Variants in SECISBP2 observed in about 807,000 individuals in gnomAD.
SECISBP2 encodes selenocysteine insertion sequence-binding protein 2.
SECISBP2 carries 96 observed loss-of-function variants against 98.2 expected under a neutral mutation model. The ratio of observed to expected loss-of-function variants is 0.98; its 90% CI spans 0.83 to 1.16. SECISBP2 has a LOEUF of 1.16. Among genes scored for constraint, SECISBP2 ranks in the 50% most tolerant of loss-of-function variants. The probability of loss-of-function intolerance (pLI) is 0.00; values close to 1 mark genes in which losing one functional copy is unlikely to be tolerated. For synonymous variants in SECISBP2, 407 were observed against 370.2 expected (o/e 1.10, Z -1.14); for missense variants, 1,046 against 1,022.9 (o/e 1.02, Z -0.31).
At chr9:89,356,845 A>G (rs1245530762) in intron 14 of SECISBP2, 1 of 169,658 alleles carries the variant, frequency 5.9e-6, no homozygotes, top group Non-Finnish European at 1.3e-5. Flanking sequence ...ACACCCCCTC[A>G]TGTATTTCTC....
chr9:89,352,839 C>CTT (rs879335688), intron 14 of SECISBP2, among the ~76,000 whole-genome samples: 1 of 143,190 alleles, frequency 7.0e-6, no homozygotes, highest in African/African-American at 2.6e-5. Flanking sequence ...CTGAAGATTC[C>CTT]TTTTTTTTTT....
chr9:89,348,491 ACT>A (rs1830770499), intron 12 of SECISBP2, among the ~76,000 whole-genome samples: 1 of 152,280 alleles, frequency 6.6e-6, no homozygotes, highest in Non-Finnish European at 1.5e-5. Context: ...TGGTCCTCTA[ACT>A]TGAAGTGGTC....
chr9:89,321,235 C>T (rs1199190586), intron 2 of SECISBP2, among the ~76,000 whole-genome samples: 1 of 152,206 alleles, frequency 6.6e-6, no homozygotes, highest in Non-Finnish European at 1.5e-5. Flanking sequence ...GTGACAAGAG[C>T]TCAAAGCCAT....
At chr9:89,334,842 A>G (rs1165661938) in intron 7 of SECISBP2, 112 bp downstream of exon 7, 3 of 814,042 alleles carry the variant, frequency 3.7e-6, no homozygotes, top group Admixed American at 3.9e-5. Flanking sequence ...GCTAGGGGAA[A>G]TGAGTTTCTG....
chr9:89,364,067 A>C (rs558650377), downstream of SECISBP2: 4 of 1,590,476 alleles, frequency 2.5e-6, no homozygotes, highest in South Asian at 4.6e-5. Context: ...GTGACTTGGG[A>C]CAACTTCCAA....
In SECISBP2 at chr9:89,348,038, A is replaced by G. The variant is rs754358903; in HGVS notation, c.1603-41A>G. The G allele has an allele frequency of 1.7e-5, 26 of 1,557,692 alleles. No individual in the cohort carries two copies. In the African/African-American group the frequency reaches 3.2e-4, roughly 19 times the overall value. ...TTGCAGAAGAGCTTATCTTTTAAGTACAAGTATTTAGGCATTTTAATTGTT... is the reference window on the plus strand; with the variant it reads ...TTGCAGAAGAGCTTATCTTTTAAGTGCAAGTATTTAGGCATTTTAATTGTT... On this transcript the variant is annotated intron_variant, in intron 11 of 16. Transcript: ENST00000375807.
chr9:89,332,340 C>CACT (rs1827895234), intron 5 of SECISBP2, among the ~76,000 whole-genome samples: 1 of 152,110 alleles, frequency 6.6e-6, no homozygotes, highest in Non-Finnish European at 1.5e-5. Context: ...CAAAGCGCAT[C>CACT]GTTTGCATTA....
chr9:89,325,870 C>T (rs1231195499), intron 3 of SECISBP2, 27 bp from the exon 4 acceptor site: 1 of 1,613,218 alleles, frequency 6.2e-7, no homozygotes, highest in Non-Finnish European at 8.5e-7. Flanking sequence ...GGTTTTATTT[C>T]ATGTTGCTTT....
chr9:89,329,144 C>T (rs376223051), intron 5 of SECISBP2: 74 of 439,394 alleles, frequency 1.7e-4, no homozygotes, highest in South Asian at 9.9e-4. Flanking sequence ...AACGGAGTCT[C>T]GCTCTGTCAC....
chr9:89,338,111 G>A (rs767219766), intron 7 of SECISBP2, among the ~76,000 whole-genome samples: 3 of 152,234 alleles, frequency 2.0e-5, no homozygotes, highest in Non-Finnish European at 4.4e-5. Context: ...GAACGACTGG[G>A]TCGTGCTGAT....
chr9:89,363,579 C>A, downstream of SECISBP2: 1 of 1,608,734 alleles, frequency 6.2e-7, no homozygotes, highest in Admixed American at 1.7e-5. Flanking sequence ...CTTTATGGCA[C>A]CCTTGATGCC....
At chr9:89,343,737 A>G (rs1046764271) in intron 10 of SECISBP2, among the ~76,000 whole-genome samples, 15 of 152,180 alleles carry the variant, frequency 9.9e-5, no homozygotes, top group Non-Finnish European at 2.9e-5. Flanking sequence ...TATCCAGTGT[A>G]CTGTTGCTGG....
chr9:89,339,559 C>A (rs760087095), intron 8 of SECISBP2, among the ~76,000 whole-genome samples: 30 of 152,072 alleles, frequency 2.0e-4, no homozygotes, highest in Non-Finnish European at 4.0e-4. Flanking sequence ...AAACATAATC[C>A]TTTGAAGAAC....
intron 7 of SECISBP2, among the ~76,000 whole-genome samples, chr9:89,338,105 G>T (rs1245026609): frequency 2.6e-5 from 4 of 152,224 alleles, no homozygotes; most frequent in Admixed American, 2.6e-4. Flanking sequence ...GATGAGGAAC[G>T]ACTGGGTCGT....
intron 2 of SECISBP2, among the ~76,000 whole-genome samples, chr9:89,320,482 G>C (rs1208292326): frequency 1.3e-5 from 2 of 151,716 alleles, no homozygotes; most frequent in African/African-American, 4.8e-5. Context: ...CCAAATAAAC[G>C]TACTCCTCCT....
rs546565385 is a variant in SECISBP2 at position 89,332,818 on chromosome 9, T to G, written c.802-90T>G. ...ACCAGCAATGGATAAGGATTTCTGTTGTCAAAGTGTTCTGGATTTTGATAT... is the reference window on the plus strand; with the variant it reads ...ACCAGCAATGGATAAGGATTTCTGTGGTCAAAGTGTTCTGGATTTTGATAT... On this transcript the variant is annotated intron_variant, in intron 5 of 16. Coordinates refer to ENST00000375807, the MANE Select transcript of SECISBP2 (RefSeq NM_024077.5). 3.4e-5 allele frequency: 34 copies of G among 1,013,412 alleles called. No homozygotes were observed. In the African/African-American group the frequency reaches 5.2e-4, roughly 16 times the overall value. 62.8% of individuals were successfully genotyped at this position (1,013,412 alleles called of 1,614,324 possible). A position where few individuals can be genotyped will look rare whatever the true frequency, so the allele number is the denominator to read the frequency against.
At chr9:89,346,675 A>T (rs1830460839) in intron 10 of SECISBP2, among the ~76,000 whole-genome samples, 1 of 152,234 alleles carries the variant, frequency 6.6e-6, no homozygotes, top group African/African-American at 2.4e-5. Context: ...CATCCAAAAG[A>T]TACTAAGTTT....
chr9:89,326,070 A>AGCCT, intron 4 of SECISBP2, 32 bp downstream of exon 4: 1 of 1,605,598 alleles, frequency 6.2e-7, no homozygotes, highest in Non-Finnish European at 8.5e-7. Context: ...GTATAATGCG[A>AGCCT]GCCTACTCCT....
chr9:89,362,671 GGA>G (rs150677857), downstream of SECISBP2, among the ~76,000 whole-genome samples: 516 of 152,366 alleles, frequency 3.4e-3, no homozygotes, highest in Non-Finnish European at 6.1e-3. Context: ...CAGGAGGGCT[GGA>G]GAGAGGGAGC....
Sources: gnomAD v4.1 joint callset for allele counts (sites outside exome capture counted in the v4.1 genomes callset) on GRCh38, gnomAD v4.1.1 for gene constraint, MANE v1.5 for transcripts, NCBI Gene and HGNC (gene_info 2026-07-23, HGNC 2026-07-21) for gene names.